The following TRIM14 variants were observed in gnomAD, a reference collection of about 807,000 sequenced individuals.
The protein encoded by TRIM14 is tripartite motif-containing protein 14.
A neutral mutation model predicts 44.5 loss-of-function variants in TRIM14; 28 were observed. The ratio of observed to expected loss-of-function variants is 0.63; its 90% CI spans 0.47 to 0.86. The LOEUF is 0.86. Among genes scored for constraint, TRIM14 ranks in the 40% least tolerant of loss-of-function variants. The pLI is 0.00. For synonymous variants in TRIM14, 299 were observed against 269.2 expected (o/e 1.11, Z -1.08); for missense variants, 607 against 611.1 (o/e 0.99, Z 0.07).
chr9:98,102,013 AAAAAAAAAAAAAG>A (rs1343151139), intron 2 of TRIM14, among the ~76,000 whole-genome samples: 39 of 149,000 alleles, frequency 2.6e-4, no homozygotes, highest in Admixed American at 4.6e-4. Flanking sequence ...GACTCAAAAA[AAAAAAAAAAAAAG>A]AAAAGAAAAA....
chr9:98,077,283 C>G (rs1344288999), intron 6 of TRIM14, among the ~76,000 whole-genome samples: 1 of 151,916 alleles, frequency 6.6e-6, no homozygotes, highest in African/African-American at 2.4e-5. Flanking sequence ...TTTCAATCAG[C>G]CTGTACTTCC....
intron 6 of TRIM14, chr9:98,078,034 C>T: frequency 9.3e-7 from 1 of 1,078,948 alleles, no homozygotes; most frequent in Non-Finnish European, 1.3e-6. Flanking sequence ...GGCAGGAACC[C>T]AACAAGCTCC....
intron 6 of TRIM14, among the ~76,000 whole-genome samples, chr9:98,078,855 G>T (rs1298647567): frequency 1.7e-5 from 2 of 118,692 alleles, no homozygotes; most frequent in Non-Finnish European, 1.8e-5. Context: ...AAAAAAAAAA[G>T]TCTGTCTGTC....
chr9:98,058,538 G>T, the TRIM14 span, among the ~76,000 whole-genome samples: 3 of 152,144 alleles, frequency 2.0e-5, no homozygotes, highest in Non-Finnish European at 2.9e-5. Context: ...TTTTCTAGAG[G>T]GAAATTCCCA....
At chr9:98,079,963 C>G (rs889906576), downstream of TRIM14, among the ~76,000 whole-genome samples, 3 of 152,224 alleles carry the variant, frequency 2.0e-5, no homozygotes, top group Admixed American at 6.5e-5. Context: ...CCAGTAGTCC[C>G]AGCACTTTGG....
chr9:98,078,162 G>C, intron 6 of TRIM14: 3 of 1,614,056 alleles, frequency 1.9e-6, no homozygotes, highest in Non-Finnish European at 2.5e-6. Context: ...TAAAGAGAAA[G>C]TGCTGATGGT....
At chr9:98,056,803 G>C in the TRIM14 span, 1 of 1,611,144 alleles carries the variant, frequency 6.2e-7, no homozygotes, top group South Asian at 1.1e-5. Flanking sequence ...ACCCCGAGCC[G>C]CTGCAATGCC....
the TRIM14 span, among the ~76,000 whole-genome samples, chr9:98,046,923 C>A: frequency 5.9e-5 from 9 of 152,222 alleles, no homozygotes; most frequent in African/African-American, 2.2e-4. Flanking sequence ...ACTTTTCCCC[C>A]CAAAGGTGAA....
At chr9:98,114,544 G>A (rs1423954305) in intron 1 of TRIM14, among the ~76,000 whole-genome samples, 18 of 151,868 alleles carry the variant, frequency 1.2e-4, no homozygotes, top group Admixed American at 1.2e-3. Flanking sequence ...CCATGGTCTC[G>A]ATCTCCTGAC....
intron 6 of TRIM14, among the ~76,000 whole-genome samples, chr9:98,072,737 G>A (rs1314163289): frequency 6.6e-6 from 1 of 152,152 alleles, no homozygotes; most frequent in East Asian, 1.9e-4. Context: ...GAGCCTTTAC[G>A]AGAGTTAATT....
chr9:98,117,276 T>TTTCATTTA (rs1827087894), intron 1 of TRIM14, among the ~76,000 whole-genome samples: 1 of 147,530 alleles, frequency 6.8e-6, no homozygotes, highest in Admixed American at 6.8e-5. Flanking sequence ...AGATTCTCTG[T>TTTCATTTA]TTTATTTATT....
chr9:98,065,652 T>TTC (rs1554728877), downstream of TRIM14, among the ~76,000 whole-genome samples: 79 of 150,954 alleles, frequency 5.2e-4, no homozygotes, highest in African/African-American at 1.7e-3. Flanking sequence ...TTTTTTTTTT[T>TTC]CCCCCTGGAG....
the TRIM14 span, among the ~76,000 whole-genome samples, chr9:98,062,722 A>G: frequency 2.7e-5 from 4 of 150,444 alleles, no homozygotes; most frequent in East Asian, 7.8e-4. Flanking sequence ...CTTTTGGTGC[A>G]TGTACTATAC....
At chr9:98,098,437 T>C (rs181699608) in intron 3 of TRIM14, among the ~76,000 whole-genome samples, 3 of 151,810 alleles carry the variant, frequency 2.0e-5, no homozygotes, top group Non-Finnish European at 4.4e-5. Context: ...ATCGGCCGGG[T>C]GCGGTGGCTC....
chr9:98,039,081 AAC>A, the TRIM14 span, among the ~76,000 whole-genome samples: 1 of 151,998 alleles, frequency 6.6e-6, no homozygotes, highest in Non-Finnish European at 1.5e-5. Flanking sequence ...TGAGACACTA[AAC>A]ACATGCCCTC....
intron 3 of TRIM14, among the ~76,000 whole-genome samples, chr9:98,096,495 A>G (rs1826191509): frequency 6.6e-6 from 1 of 152,180 alleles, no homozygotes; most frequent in African/African-American, 2.4e-5. Flanking sequence ...TCCAGCAGCT[A>G]GCACCAGACC....
At chr9:98,054,140 T>C in the TRIM14 span, among the ~76,000 whole-genome samples, 1 of 152,100 alleles carries the variant, frequency 6.6e-6, no homozygotes, top group Non-Finnish European at 1.5e-5. Flanking sequence ...CTGTTAAGCT[T>C]TTTTTTCAGA....
downstream of TRIM14, among the ~76,000 whole-genome samples, chr9:98,080,170 C>T (rs573423163): frequency 3.3e-5 from 5 of 152,166 alleles, no homozygotes; most frequent in East Asian, 3.9e-4. Context: ...GCTGAGATCA[C>T]GCCATTGCAC....
chr9:98,056,932 A>G, the TRIM14 span: 32 of 1,598,104 alleles, frequency 2.0e-5, no homozygotes, highest in Non-Finnish European at 2.6e-5. Context: ...CATGATCCGC[A>G]TGGCCAAGGT....
Sources: allele counts gnomAD v4.1 joint callset (sites outside exome capture counted in the v4.1 genomes callset), GRCh38; gene constraint gnomAD v4.1.1; transcripts MANE v1.5; gene names NCBI Gene and HGNC (gene_info 2026-07-23, HGNC 2026-07-21).